RPS6KA6: variants seen among roughly 807,000 people sequenced by gnomAD.
RPS6KA6 encodes the protein ribosomal protein S6 kinase alpha-6.
RPS6KA6 carries 27 observed loss-of-function variants against 65.4 expected under a neutral mutation model. That is an observed-to-expected ratio of 0.41 (90% CI 0.30 to 0.57). RPS6KA6 has a LOEUF of 0.57. Among genes scored for constraint, RPS6KA6 ranks in the 20% least tolerant of loss-of-function variants. RPS6KA6 has a pLI of 0.24. For synonymous variants in RPS6KA6, 190 were observed against 184.2 expected, an observed-to-expected ratio of 1.03 and a Z score of -0.26; for missense variants, 486 against 555.6, an observed-to-expected ratio of 0.87 and a Z score of 1.26.
Position 84,105,780 on chromosome X carries a change from T to C in RPS6KA6, c.1455+7A>G, listed in dbSNP as rs763225556. ...CTTAGCTGATACCTAGATTTAGAAA[T>C]ACCTACATCCTTCAAAGTAATAATG... On this transcript the variant is annotated splice_region_variant and intron_variant, in intron 16 of 21. Coordinates refer to ENST00000262752, the MANE Select transcript of RPS6KA6 (RefSeq NM_014496.5). 2.9e-6 allele frequency: 3 copies of C among 1,049,014 alleles called. No individual in the cohort carries two copies. Among genetic ancestry groups the C allele is most frequent in the South Asian group, 2.2e-5 (1 of 45,567 alleles). The allele number at this position is 1,049,014 out of a possible 1,213,427, so 86.5% of individuals were successfully genotyped here. A position where few individuals can be genotyped will look rare whatever the true frequency, so the allele number is the denominator to read the frequency against.
chrX:84,176,491 CACT>C (rs1372622111), intron 1 of RPS6KA6, among the ~76,000 whole-genome samples: 1 of 111,594 alleles, frequency 9.0e-6, no homozygotes, highest in Non-Finnish European at 1.9e-5. Context: ...TTAAATTGTC[CACT>C]GAGTTATATA....
intron 20 of RPS6KA6, among the ~76,000 whole-genome samples, chrX:84,088,455 G>A (rs756643925): frequency 8.9e-5 from 10 of 111,861 alleles, no homozygotes; most frequent in Non-Finnish European, 1.7e-4. Flanking sequence ...AGTATCACTG[G>A]TGAAGGCTGT....
At chrX:84,112,109 G>C (rs896291939) in intron 12 of RPS6KA6, among the ~76,000 whole-genome samples, 1 of 111,545 alleles carries the variant, frequency 9.0e-6, no homozygotes, top group Non-Finnish European at 1.9e-5. Flanking sequence ...TAATGATAAG[G>C]GCTCAATTAA....
chrX:84,137,523 T>G (rs2035011813), intron 6 of RPS6KA6, among the ~76,000 whole-genome samples: 1 of 111,533 alleles, frequency 9.0e-6, no homozygotes, highest in Non-Finnish European at 1.9e-5. Flanking sequence ...CCAAGATTCC[T>G]GACATACACG....
Position 84,106,969 on chromosome X carries a change from T to C in RPS6KA6, c.1183A>G (p.Ile395Val), listed in dbSNP as rs771160466. The part of the protein sequence containing the change: ...FKGFSFVATS[I>V]AEEYKITPIT... ...GGAGTGATTTTATATTCTTCTGCAATAGAAGTTGCAACAAAGCTGAATCCT... is the reference window on the plus strand; with the variant it reads ...GGAGTGATTTTATATTCTTCTGCAACAGAAGTTGCAACAAAGCTGAATCCT... The change falls in exon 14 of 22, where the codon ATT becomes GTT. Residue 395 changes from isoleucine (I) to valine (V), a missense_variant. Around this residue, in one of 3 missense-constraint regions of RPS6KA6, gnomAD observed 345 missense variants for 375.0 expected, o/e 0.92. Transcript: ENST00000262752. 4 of 1,193,389 alleles carry C rather than the reference T, an allele frequency of 3.4e-6. No individual in the cohort carries two copies. Among genetic ancestry groups the C allele is most frequent in the Admixed American group, 2.2e-5 (1 of 45,106 alleles).
intron 20 of RPS6KA6, among the ~76,000 whole-genome samples, chrX:84,069,973 T>C (rs1308309676): frequency 8.9e-6 from 1 of 111,900 alleles, no homozygotes; most frequent in Non-Finnish European, 1.9e-5. Flanking sequence ...GAGTGTAAAT[T>C]AGTTCAACCA....
intron 12 of RPS6KA6, 30 bp from the exon 13 acceptor site, chrX:84,107,755 G>A (rs367923004): frequency 9.0e-6 from 7 of 776,323 alleles, no homozygotes; most frequent in Middle Eastern, 3.0e-4. Context: ...AACACAAAAC[G>A]TATTAAGACT....
intron 6 of RPS6KA6, among the ~76,000 whole-genome samples, chrX:84,141,406 T>C (rs1199656854): frequency 3.1e-5 from 3 of 97,311 alleles, no homozygotes; most frequent in Admixed American, 1.2e-4. Context: ...AAAAATGAAA[T>C]TGTAAAAAAA....
At chrX:84,178,940 G>A (rs952392260) in intron 1 of RPS6KA6, among the ~76,000 whole-genome samples, 2 of 110,656 alleles carry the variant, frequency 1.8e-5, no homozygotes, top group Non-Finnish European at 3.8e-5. Context: ...ACTGGACTTC[G>A]CTAAGATGAA....
At chrX:84,141,796 G>A (rs971800328) in intron 6 of RPS6KA6, among the ~76,000 whole-genome samples, 1 of 111,402 alleles carries the variant, frequency 9.0e-6, no homozygotes, top group African/African-American at 3.2e-5. Context: ...ATATCATAAC[G>A]ATGAAGGGGT....
rs189396705 is a variant in RPS6KA6 at position 84,058,968 on chromosome X, T to G, written c.*5309A>C. 7 of 109,253 alleles carry G rather than the reference T, an allele frequency of 6.4e-5. No homozygotes were observed. The East Asian group carries it at 1.1e-3, about 18-fold the overall frequency. The allele number at this position is 109,253 out of a possible 1,213,427, so 9.0% of individuals were successfully genotyped here. On this transcript the variant is annotated 3_prime_UTR_variant, in exon 22 of 22. Transcript: ENST00000262752. ...AACTACCAACAGTACTTCCTGTTTTTTTTTTTTTTTATCAAACAGAAAAAC... is the reference window on the plus strand; with the variant it reads ...AACTACCAACAGTACTTCCTGTTTTGTTTTTTTTTTATCAAACAGAAAAAC...
At chrX:84,104,703 T>C in intron 16 of RPS6KA6, 46 bp from the exon 17 acceptor site, 2 of 779,050 alleles carry the variant, frequency 2.6e-6, no homozygotes, top group Non-Finnish European at 3.5e-6. Context: ...ATAATTACAA[T>C]TCTATAATTC....
rs1222557010 is a variant in RPS6KA6 at position 84,062,682 on chromosome X, T to C, written c.*1595A>G. The stretch of plus-strand genomic sequence containing the variant: ...AGGAAACAGATATTTGTGCATGGGG[T>C]ATAGATTATTTACATTACAAACAGA... On this transcript the variant is annotated 3_prime_UTR_variant, in exon 22 of 22. Transcript: ENST00000262752. 9.0e-6 allele frequency: 1 copy of C among 111,402 alleles called. No homozygotes were observed. Among genetic ancestry groups the C allele is most frequent in the Non-Finnish European group, 1.9e-5 (1 of 52,945 alleles). The allele number at this position is 111,402 out of a possible 1,213,427, so 9.2% of individuals were successfully genotyped here.
intron 8 of RPS6KA6, among the ~76,000 whole-genome samples, 189 bp downstream of exon 8, chrX:84,134,592 AT>A (rs2034961123): frequency 9.0e-6 from 1 of 111,385 alleles, no homozygotes; most frequent in African/African-American, 3.3e-5. Context: ...CTAATGTACA[AT>A]TTTTTAATAT....
chrX:84,134,495 T>A (rs10218349), intron 8 of RPS6KA6, among the ~76,000 whole-genome samples: 1 of 110,773 alleles, frequency 9.0e-6, no homozygotes, highest in East Asian at 2.9e-4. Flanking sequence ...TGATGACTAC[T>A]TGTGATACAT....
chrX:84,184,315 A>G (rs1328875272), intron 1 of RPS6KA6, among the ~76,000 whole-genome samples: 3 of 112,730 alleles, frequency 2.7e-5, no homozygotes, highest in Non-Finnish European at 3.7e-5. Context: ...ATTTTAACAT[A>G]GATGACAATA....
At position 84,062,029 on chromosome X, in the gene RPS6KA6, C is replaced by T. The variant is rs1274794625; in HGVS notation, c.*2248G>A. On this transcript the variant is annotated 3_prime_UTR_variant, in exon 22 of 22. Transcript: ENST00000262752. ...GTTAAGCTAGCATATTTGAGTTTTT[C>T]ACTAGAAAACTCTCAAACAATTATC... 2 of 111,221 alleles carry T rather than the reference C, an allele frequency of 1.8e-5. No individual in the cohort carries two copies. Among genetic ancestry groups the T allele is most frequent in the Admixed American group, 9.6e-5 (1 of 10,450 alleles). 9.2% of individuals were successfully genotyped at this position (111,221 alleles called of 1,213,427 possible).
chrX:84,068,146 T>C (rs1443340445), intron 20 of RPS6KA6, among the ~76,000 whole-genome samples: 1 of 111,270 alleles, frequency 9.0e-6, no homozygotes, highest in Non-Finnish European at 1.9e-5. Context: ...GAAAAACTGG[T>C]ACCAGCCACT....
chrX:84,132,575 A>G (rs2034917333), intron 8 of RPS6KA6, among the ~76,000 whole-genome samples: 1 of 110,865 alleles, frequency 9.0e-6, no homozygotes, highest in Non-Finnish European at 1.9e-5. Context: ...GAGGCAAGTC[A>G]TATTATAAAG....
Sources: allele counts gnomAD v4.1 joint callset (sites outside exome capture counted in the v4.1 genomes callset), GRCh38; gene constraint gnomAD v4.1.1; regional missense constraint gnomAD v4.1.1; transcripts MANE v1.5; gene names NCBI Gene and HGNC (gene_info 2026-07-23, HGNC 2026-07-21).